TMTC2: variants seen among roughly 807,000 people sequenced by gnomAD.
TMTC2 encodes transmembrane O-mannosyltransferase targeting cadherins 2.
In TMTC2, 43 loss-of-function variants were observed where a neutral mutation model predicts 82.4. The ratio of observed to expected loss-of-function variants is 0.52; its 90% CI spans 0.41 to 0.67. TMTC2 has a LOEUF of 0.67. Among genes scored for constraint, TMTC2 ranks in the 30% least tolerant of loss-of-function variants. TMTC2 has a pLI of 0.00. For missense variants in TMTC2, 919 were observed against 1,012.4 expected, an observed-to-expected ratio of 0.91 and a Z score of 1.25; for synonymous variants, 408 against 381.9, an observed-to-expected ratio of 1.07 and a Z score of -0.80.
intron 8 of TMTC2, among the ~76,000 whole-genome samples, chr12:83,006,118 G>C (rs1310488407): frequency 6.6e-6 from 1 of 152,148 alleles, no homozygotes; most frequent in Non-Finnish European, 1.5e-5. Flanking sequence ...TGGTAAGTGT[G>C]GGTTTCTCTA....
intron 2 of TMTC2, among the ~76,000 whole-genome samples, chr12:82,871,840 A>G (rs946386320): frequency 3.9e-5 from 6 of 152,036 alleles, no homozygotes; most frequent in Non-Finnish European, 8.8e-5. Context: ...ATTTATTAAT[A>G]CATATGTACT....
At chr12:83,000,751 C>T (rs1488823223) in intron 8 of TMTC2, among the ~76,000 whole-genome samples, 1 of 152,202 alleles carries the variant, frequency 6.6e-6, no homozygotes, top group Non-Finnish European at 1.5e-5. Context: ...TCTGCACTGC[C>T]CTAGCAGAGG....
chr12:82,804,130 A>G (rs951160555), intron 1 of TMTC2, among the ~76,000 whole-genome samples: 3 of 152,280 alleles, frequency 2.0e-5, no homozygotes, highest in South Asian at 2.1e-4. Flanking sequence ...GAAAGAAGAG[A>G]GTAATGAGCT....
chr12:82,716,442 C>T (rs1159064955), intron 1 of TMTC2, among the ~76,000 whole-genome samples: 1 of 150,590 alleles, frequency 6.6e-6, no homozygotes, highest in East Asian at 2.0e-4. Flanking sequence ...CGACTCACTG[C>T]AAGCTCCGCC....
intron 1 of TMTC2, among the ~76,000 whole-genome samples, chr12:82,745,743 C>A (rs1477146269): frequency 6.6e-6 from 1 of 152,122 alleles, no homozygotes; most frequent in African/African-American, 2.4e-5. Context: ...TACCATTGTG[C>A]TTTTATGAGA....
chr12:82,750,704 A>T (rs917981386), intron 1 of TMTC2, among the ~76,000 whole-genome samples: 1 of 152,118 alleles, frequency 6.6e-6, no homozygotes, highest in Non-Finnish European at 1.5e-5. Context: ...ACACTATACA[A>T]AGTGCTTTAT....
chr12:82,706,049 C>A (rs886961519), intron 1 of TMTC2, among the ~76,000 whole-genome samples: 2 of 152,082 alleles, frequency 1.3e-5, no homozygotes, highest in African/African-American at 4.8e-5. Context: ...TGGCTCCTGC[C>A]TGTATTCCCA....
chr12:82,780,603 G>A (rs1877852454), intron 1 of TMTC2, among the ~76,000 whole-genome samples: 1 of 152,012 alleles, frequency 6.6e-6, no homozygotes, highest in Non-Finnish European at 1.5e-5. Context: ...TATGTCAAAT[G>A]AAAAGAAAGA....
intron 11 of TMTC2, among the ~76,000 whole-genome samples, chr12:83,074,991 T>A (rs761626363): frequency 5.3e-5 from 8 of 152,280 alleles, no homozygotes; most frequent in Non-Finnish European, 1.2e-4. Flanking sequence ...TCCTGATGGA[T>A]CCCTGTGGTG....
At chr12:83,105,097 C>A (rs1034797046) in intron 11 of TMTC2, among the ~76,000 whole-genome samples, 1 of 152,162 alleles carries the variant, frequency 6.6e-6, no homozygotes, top group Non-Finnish European at 1.5e-5. Flanking sequence ...GCCCCAGTTC[C>A]CAATAAGTTC....
At chr12:82,983,266 A>C (rs1879008765) in intron 7 of TMTC2, among the ~76,000 whole-genome samples, 1 of 152,044 alleles carries the variant, frequency 6.6e-6, no homozygotes, top group Admixed American at 6.6e-5. Flanking sequence ...AAGTTGTAAT[A>C]AGTGGTACCA....
At chr12:82,945,868 T>A (rs573550595) in intron 4 of TMTC2, among the ~76,000 whole-genome samples, 1 of 152,322 alleles carries the variant, frequency 6.6e-6, no homozygotes, top group East Asian at 1.9e-4. Context: ...AAAAGTTACT[T>A]AAAGTGTAAT....
In TMTC2 at chr12:82,950,022, A is replaced by G. The variant is rs530285321; in HGVS notation, c.1599-15002A>G. Reference sequence around the variant, plus strand: ...ATAAGAAAAGAAGAGAAATTTGTTGACTGAGATAATTAAGAAGCAGTGTGT... The same window carrying G: ...ATAAGAAAAGAAGAGAAATTTGTTGGCTGAGATAATTAAGAAGCAGTGTGT... On this transcript the variant is annotated intron_variant, in intron 4 of 11. Coordinates refer to ENST00000321196, the MANE Select transcript of TMTC2 (RefSeq NM_152588.3). Among the ~76,000 whole-genome samples, 9 of 152,324 alleles carry G rather than the reference A, an allele frequency of 5.9e-5. No homozygotes were observed. The South Asian group carries it at 1.9e-3, about 32-fold the overall frequency.
chr12:82,816,586 T>C (rs570650956), intron 1 of TMTC2, among the ~76,000 whole-genome samples: 10 of 152,256 alleles, frequency 6.6e-5, no homozygotes, highest in South Asian at 4.1e-4. Flanking sequence ...ATCAGACTTC[T>C]ATTATCTTCC....
At chr12:82,924,233 T>A (rs536989202) in intron 3 of TMTC2, among the ~76,000 whole-genome samples, 2 of 152,174 alleles carry the variant, frequency 1.3e-5, no homozygotes, top group Non-Finnish European at 2.9e-5. Context: ...ATATGACCTA[T>A]TATAGGATTT....
chr12:82,692,230 A>T (rs1184949004), intron 1 of TMTC2, among the ~76,000 whole-genome samples: 1 of 152,166 alleles, frequency 6.6e-6, no homozygotes, highest in Non-Finnish European at 1.5e-5. Context: ...ACACACATAC[A>T]TGCACGATTA....
rs67900968 is a variant in TMTC2, at chr12:83,026,705, AGTGTGTGTGTGT to A, written c.2071-4067_2071-4056del. Among the ~76,000 whole-genome samples, 861 of 143,016 alleles carry A rather than the reference AGTGTGTGTGTGT, an allele frequency of 6.0e-3. 6 individuals carry two copies. The highest frequency in any genetic ancestry group is 0.021 in the African/African-American group (795 of 38,776). 93.8% of individuals were successfully genotyped at this position (143,016 alleles called of 152,430 possible). A position where few individuals can be genotyped will look rare whatever the true frequency, so the allele number is the denominator to read the frequency against. On this transcript the variant is annotated intron_variant, in intron 8 of 11. Transcript: ENST00000321196. ...GGGGAGTTTTAGAAATGATTGAAGG[AGTGTGTGTGTGT>A]GTGTGTGTGTGTGTGTGTGTGTGTG...
chr12:82,707,992 T>C (rs1873445774), intron 1 of TMTC2, among the ~76,000 whole-genome samples: 1 of 152,150 alleles, frequency 6.6e-6, no homozygotes. Context: ...TGTGTTTGTG[T>C]TGGATTATTA....
chr12:82,951,613 G>T (rs186694794), intron 4 of TMTC2, among the ~76,000 whole-genome samples: 2 of 152,042 alleles, frequency 1.3e-5, no homozygotes, highest in Admixed American at 1.3e-4. Flanking sequence ...GAGCCACTGC[G>T]CCCAGCTGGA....
Sources: allele counts gnomAD v4.1 joint callset (sites outside exome capture counted in the v4.1 genomes callset), GRCh38; gene constraint gnomAD v4.1.1; transcripts MANE v1.5; gene names NCBI Gene and HGNC (gene_info 2026-07-23, HGNC 2026-07-21).